Variants in ITGA6 observed in about 807,000 individuals in gnomAD.
ITGA6 encodes integrin subunit alpha 6.
In ITGA6, 63 loss-of-function variants were observed where a neutral mutation model predicts 133.6. The ratio of observed to expected loss-of-function variants is 0.47; its 90% CI spans 0.38 to 0.58. The LOEUF (loss-of-function observed/expected upper bound fraction) is 0.58. Ranked by LOEUF, ITGA6 falls within the 20% of genes least tolerant of loss-of-function variation. ITGA6 has a pLI of 0.00. For missense variants in ITGA6, 1,068 were observed against 1,309.4 expected (o/e 0.82, Z 2.85); for synonymous variants, 434 against 482.0 (o/e 0.90, Z 1.30).
chr2:172,432,774 T>C (rs1325923546), intron 1 of ITGA6, among the ~76,000 whole-genome samples: 1 of 152,058 alleles, frequency 6.6e-6, no homozygotes, highest in African/African-American at 2.4e-5. Flanking sequence ...TACACTGCAG[T>C]GGGTACTCGG....
rs1686933896 is a variant in ITGA6, at chr2:172,491,632, C to T, written c.2988+109C>T. On this transcript the variant is annotated intron_variant, in intron 23 of 25. Transcript: ENST00000684293. This position sits in a 1 kb window ranked among gnomAD's most constrained non-coding sequence, Gnocchi z 4.4. ...TTGGTGCTCATTTCCCTCATAGCCC[C>T]ATTACGGAGAAAACTGTCTTAAGGT... 1 of 751,572 alleles carries T rather than the reference C, an allele frequency of 1.3e-6. No homozygotes were observed. The highest frequency in any genetic ancestry group is 2.7e-5 in the East Asian group (1 of 37,724). The allele number at this position is 751,572 out of a possible 1,614,324, so 46.6% of individuals were successfully genotyped here. A position where few individuals can be genotyped will look rare whatever the true frequency, so the allele number is the denominator to read the frequency against.
chr2:172,470,273 T>G (rs945820391), intron 4 of ITGA6, among the ~76,000 whole-genome samples: 1 of 152,134 alleles, frequency 6.6e-6, no homozygotes, highest in African/African-American at 2.4e-5. Context: ...CCCAACAGAA[T>G]CTTCATGTAC....
chr2:172,492,039 T>C (rs1018536891), intron 23 of ITGA6, among the ~76,000 whole-genome samples: 2 of 152,164 alleles, frequency 1.3e-5, no homozygotes, highest in East Asian at 1.9e-4. Context: ...ATGTTTCTTA[T>C]TCTTCTCAGA....
chr2:172,491,057 A>G lies in ITGA6; in HGVS notation c.2713A>G (p.Thr905Ala). Residue 905 changes from threonine to alanine, a missense_variant, in exon 21 of 26, where the codon ACT becomes GCT. This residue lies in a region of ITGA6 where 609 missense variants were observed against 707.2 expected (regional missense o/e 0.86). Transcript: ENST00000684293. This position sits in a 1 kb window ranked among gnomAD's most constrained non-coding sequence, Gnocchi z 4.4. ...SHNSRKKREI[T>A]EKQIDDNRKF... The stretch of plus-strand genomic sequence containing the variant: ...CAACTCAAGAAAGAAACGGGAAATT[A>G]CTGAAAAACAGATAGATGATAACAG... 6.3e-7 allele frequency: 1 copy of G among 1,587,196 alleles called. No individual in the cohort carries two copies. Among genetic ancestry groups the G allele is most frequent in the Non-Finnish European group, 8.7e-7 (1 of 1,155,928 alleles).
In ITGA6 at chr2:172,485,149, T is replaced by C. The variant is rs1686609366; in HGVS notation, c.1739T>C (p.Ile580Thr). The change falls in exon 13 of 26, where the codon ATT (isoleucine) becomes ACT (threonine). Residue 580 changes from isoleucine (I) to threonine (T), a missense_variant. By Grantham distance (89) the Ile-to-Thr change is moderately conservative. Transcript: ENST00000684293. ...QDNIRDKLRPIPITASVEIQE... is the reference protein window; with the variant it reads ...QDNIRDKLRPTPITASVEIQE... ...AATATCAGAGATAAACTGCGTCCCA[T>C]TCCCATAACTGCCTCAGTGGAGATC... 6.2e-7 allele frequency: 1 copy of C among 1,613,882 alleles called. No homozygotes were observed. Among genetic ancestry groups the C allele is most frequent in the Admixed American group, 1.7e-5 (1 of 60,000 alleles).
chr2:172,443,746 T>A (rs528181964), intron 1 of ITGA6, among the ~76,000 whole-genome samples: 6 of 152,348 alleles, frequency 3.9e-5, no homozygotes, highest in African/African-American at 1.2e-4. Flanking sequence ...TTTATCACTG[T>A]GTTGAGTTTA....
Position 172,484,922 on chromosome 2 carries a change from G to A in ITGA6, c.1690G>A (p.Glu564Lys), listed in dbSNP as rs961457073. The A allele has an allele frequency of 1.2e-6, 2 of 1,614,072 alleles. No individual in the cohort carries two copies. The highest frequency in any genetic ancestry group is 1.7e-5 in the Admixed American group (1 of 60,010). ...LKRQKQKVCM[E>K]ETLWLQDNIR... ...GAGGCAGAAACAGAAAGTGTGCATG[G>A]AGGAAACCCTGTGGCTACAGGTGAG... Residue 564 changes from glutamate (E) to lysine (K), a missense_variant, in exon 12 of 26, where the codon GAG becomes AAG. This residue lies in a region of ITGA6 where 609 missense variants were observed against 707.2 expected (regional missense o/e 0.86). Coordinates refer to ENST00000684293, the MANE Select transcript of ITGA6 (RefSeq NM_000210.4).
At chr2:172,471,558 C>T (rs573359357) in intron 5 of ITGA6, among the ~76,000 whole-genome samples, 2 of 152,160 alleles carry the variant, frequency 1.3e-5, no homozygotes, top group Non-Finnish European at 2.9e-5. Flanking sequence ...CCAGGTCCTC[C>T]CTCTGTGATT....
Position 172,486,176 on chromosome 2 carries a change from C to CAAAAAAAAAAAAAA in ITGA6, c.1855-839_1855-826dup, listed in dbSNP as rs67271824. ...GGCAAAAAGAGTAAGACTCTATCTCCAAAAAAAAAAAAAAAAAAAAACAAC... is the reference window on the plus strand; with the variant it reads ...GGCAAAAAGAGTAAGACTCTATCTCCAAAAAAAAAAAAAAAAAAAAAAAAAAAAAAAAAAACAAC... On this transcript the variant is annotated intron_variant, in intron 13 of 25. Transcript: ENST00000684293. Among the ~76,000 whole-genome samples, 35 of 77,318 alleles carry CAAAAAAAAAAAAAA rather than the reference C, an allele frequency of 4.5e-4. 2 individuals are homozygous for CAAAAAAAAAAAAAA. In the East Asian group the frequency reaches 0.01, roughly 22 times the overall value. The allele number at this position is 77,318 out of a possible 152,430, so 50.7% of individuals were successfully genotyped here.
chr2:172,451,821 A>G (rs1042644766), intron 1 of ITGA6, among the ~76,000 whole-genome samples: 3 of 152,030 alleles, frequency 2.0e-5, no homozygotes, highest in Non-Finnish European at 4.4e-5. Context: ...GTTTTGCCTG[A>G]AGGTGGCCAC....
chr2:172,450,862 A>T (rs1684959649), intron 1 of ITGA6, among the ~76,000 whole-genome samples: 1 of 139,650 alleles, frequency 7.2e-6, no homozygotes, highest in African/African-American at 3.0e-5. Flanking sequence ...GTATTTATAT[A>T]ATATACAAAT....
At position 172,466,487 on chromosome 2, in the gene ITGA6, G is replaced by A. The variant is rs571469651; in HGVS notation, c.307+824G>A. ...ATACAAAAATTAGCCAGGCGTGGTG[G>A]TGTACGCCTGTAGTCCTAGCTACTT... On this transcript the variant is annotated intron_variant, in intron 2 of 25. Coordinates refer to ENST00000684293, the MANE Select transcript of ITGA6 (RefSeq NM_000210.4). Among the ~76,000 whole-genome samples, 6 of 152,234 alleles carry A rather than the reference G, an allele frequency of 3.9e-5. 1 individual carries two copies. Among genetic ancestry groups the A allele is most frequent in the African/African-American group, 1.4e-4 (6 of 41,530 alleles).
intron 1 of ITGA6, among the ~76,000 whole-genome samples, chr2:172,455,963 C>T (rs138654330): frequency 2.0e-5 from 3 of 152,272 alleles, no homozygotes; most frequent in Non-Finnish European, 2.9e-5. Flanking sequence ...CAAGCTTTAA[C>T]GCCTCCTCTG....
At chr2:172,465,347 T>G (rs965751272) in intron 1 of ITGA6, 192 bp from the exon 2 acceptor site, 3 of 675,836 alleles carry the variant, frequency 4.4e-6, no homozygotes, top group African/African-American at 1.8e-5. Context: ...CTTCCCCTGT[T>G]TAGTTGTGTT....
chr2:172,488,886 A>G (rs1413684002), intron 19 of ITGA6, among the ~76,000 whole-genome samples: 2 of 152,100 alleles, frequency 1.3e-5, no homozygotes, highest in Admixed American at 6.5e-5. Context: ...TATGATCTCT[A>G]TGCAGGTGCA....
intron 11 of ITGA6, 96 bp downstream of exon 11, chr2:172,480,147 A>T (rs900611192): frequency 1.6e-5 from 12 of 753,346 alleles, no homozygotes; most frequent in Non-Finnish European, 2.2e-5. Context: ...AGTGGCCAAC[A>T]TGGGTCTGTC....
intron 1 of ITGA6, chr2:172,428,206 C>T (rs1053927061): frequency 8.8e-5 from 23 of 260,642 alleles, no homozygotes; most frequent in Non-Finnish European, 1.6e-4. Flanking sequence ...AGGCTGGGCC[C>T]CGGGAGAGTT....
upstream of ITGA6, chr2:172,427,359 T>C (rs1050072530): frequency 1.0e-6 from 1 of 1,003,088 alleles, no homozygotes; most frequent in African/African-American, 1.7e-5. Context: ...ACCACAATTC[T>C]GTCCACAGAG....
intron 1 of ITGA6, among the ~76,000 whole-genome samples, chr2:172,451,696 G>C (rs746641414): frequency 6.6e-6 from 1 of 152,132 alleles, no homozygotes; most frequent in African/African-American, 2.4e-5. Flanking sequence ...ATGAGGAAAA[G>C]GTCTAAGAGC....
Sources: gnomAD v4.1 joint callset for allele counts (sites outside exome capture counted in the v4.1 genomes callset) on GRCh38, gnomAD v4.1.1 for gene constraint, gnomAD v4.1.1 regional missense constraint, Gnocchi (gnomAD v3.1) non-coding constraint, MANE v1.5 for transcripts, NCBI Gene and HGNC (gene_info 2026-07-23, HGNC 2026-07-21) for gene names.